Variants in SERINC5 observed in about 807,000 individuals in gnomAD.
SERINC5 encodes serine incorporator 5, also known as chromosome 5 open reading frame 12.
A neutral mutation model predicts 63.1 loss-of-function variants in SERINC5; 41 were observed. The observed-to-expected ratio is 0.65, with a 90% CI of 0.51 to 0.84. The LOEUF is 0.84. Among genes scored for constraint, SERINC5 ranks in the 40% least tolerant of loss-of-function variants. SERINC5 has a pLI of 0.00. For synonymous variants in SERINC5, 222 were observed against 215.2 expected (o/e 1.03, Z -0.28); for missense variants, 523 against 573.0 (o/e 0.91, Z 0.89).
intron 6 of SERINC5, among the ~76,000 whole-genome samples, chr5:80,168,544 G>T (rs1228224835): frequency 6.6e-6 from 1 of 151,986 alleles, no homozygotes; most frequent in Admixed American, 6.6e-5. Context: ...TGATTCAAGG[G>T]GGCTGTACAT....
intron 1 of SERINC5, among the ~76,000 whole-genome samples, chr5:80,214,586 C>G (rs757045063): frequency 2.0e-5 from 3 of 151,852 alleles, no homozygotes; most frequent in Non-Finnish European, 4.4e-5. Context: ...AAAAAAACAC[C>G]TCCTGTACTA....
At chr5:80,146,395 C>G (rs1580060034) in intron 10 of SERINC5, among the ~76,000 whole-genome samples, 161 bp from the exon 11 acceptor site, 2 of 152,348 alleles carry the variant, frequency 1.3e-5, no homozygotes, top group African/African-American at 4.8e-5. Flanking sequence ...GCACAAAACC[C>G]CCACTCCACC....
intron 1 of SERINC5, among the ~76,000 whole-genome samples, chr5:80,251,654 C>T (rs1047847418): frequency 3.3e-4 from 49 of 150,536 alleles, no homozygotes; most frequent in African/African-American, 1.1e-3. Flanking sequence ...CGCTTGGACC[C>T]GGGAGGCGGA....
rs1054069062 is a variant in SERINC5, at chr5:80,174,973, G to A, written c.532C>T (p.His178Tyr). The change falls in exon 5 of 12, where the codon CAT (histidine) becomes TAT (tyrosine). Residue 178 changes from histidine to tyrosine, a missense_variant. Coordinates refer to ENST00000507668, the MANE Select transcript of SERINC5 (RefSeq NM_001174072.3). ...ACACACCAGTTCTTGTTCCACTTATGTGCAAACTCCACGAGCAGGAGGAGC... is the reference window on the plus strand; with the variant it reads ...ACACACCAGTTCTTGTTCCACTTATATGCAAACTCCACGAGCAGGAGGAGC... ...IQLLLLVEFA[H>Y]KWNKNWTAGT... The A allele has an allele frequency of 1.1e-5, 18 of 1,600,770 alleles. No individual in the cohort carries two copies. The highest frequency in any genetic ancestry group is 1.4e-5 in the Non-Finnish European group (17 of 1,173,440).
chr5:80,149,595 G>A (rs984674228), intron 9 of SERINC5, among the ~76,000 whole-genome samples: 2 of 152,216 alleles, frequency 1.3e-5, no homozygotes, highest in African/African-American at 2.4e-5. Flanking sequence ...CTCAGCTCCT[G>A]GGCAGCAGTG....
chr5:80,242,437 G>A (rs1580214026), intron 1 of SERINC5, among the ~76,000 whole-genome samples: 1 of 152,144 alleles, frequency 6.6e-6, no homozygotes, highest in Non-Finnish European at 1.5e-5. Context: ...GGTCAACATG[G>A]CGAAATCCCA....
At chr5:80,195,351 A>G (rs944277494) in intron 2 of SERINC5, among the ~76,000 whole-genome samples, 2 of 152,176 alleles carry the variant, frequency 1.3e-5, no homozygotes, top group Non-Finnish European at 2.9e-5. Context: ...TCAATGTAAC[A>G]AAATTACACT....
intron 8 of SERINC5, among the ~76,000 whole-genome samples, chr5:80,151,437 A>C (rs1189801462): frequency 6.6e-6 from 1 of 152,246 alleles, no homozygotes; most frequent in African/African-American, 2.4e-5. Context: ...CAGTCGAGGT[A>C]ATAAAAAATT....
In SERINC5 at chr5:80,141,542, G is replaced by T. The variant is rs1005582301; in HGVS notation, c.*2121C>A. The T allele has an allele frequency of 4.1e-6, 4 of 985,362 alleles. No individual in the cohort carries two copies. The African/African-American group carries it at 7.0e-5, about 17-fold the overall frequency. The allele number at this position is 985,362 out of a possible 1,614,324, so 61.0% of individuals were successfully genotyped here. A position where few individuals can be genotyped will look rare whatever the true frequency, so the allele number is the denominator to read the frequency against. On this transcript the variant is annotated 3_prime_UTR_variant, in exon 12 of 12. Coordinates refer to ENST00000507668, the MANE Select transcript of SERINC5 (RefSeq NM_001174072.3). ...GGGCTCTGCTAGACCTCAGCAGGAGGAAAACAATGAAACTAGTCACAATAC... is the reference window on the plus strand; with the variant it reads ...GGGCTCTGCTAGACCTCAGCAGGAGTAAAACAATGAAACTAGTCACAATAC...
chr5:80,253,596 T>C (rs1752521209), intron 1 of SERINC5, among the ~76,000 whole-genome samples: 1 of 152,186 alleles, frequency 6.6e-6, no homozygotes, highest in Non-Finnish European at 1.5e-5. Flanking sequence ...GGTCCTGCTC[T>C]TCTCTCTGAC....
intron 1 of SERINC5, among the ~76,000 whole-genome samples, chr5:80,214,267 C>G (rs1188617636): frequency 6.6e-6 from 1 of 152,044 alleles, no homozygotes; most frequent in Non-Finnish European, 1.5e-5. Context: ...AAAAAACAAA[C>G]TAGAAGGATA....
At chr5:80,171,456 A>G (rs1276680739) in intron 5 of SERINC5, among the ~76,000 whole-genome samples, 1 of 152,196 alleles carries the variant, frequency 6.6e-6, no homozygotes. Context: ...CCCTGTACTG[A>G]AGAGAAGGAC....
In SERINC5 at chr5:80,141,514, C is replaced by T. The variant is rs1013330181; in HGVS notation, c.*2149G>A. 1.4e-5 allele frequency: 14 copies of T among 985,460 alleles called. No homozygotes were observed. The highest frequency in any genetic ancestry group is 1.7e-5 in the Non-Finnish European group (14 of 830,034). 61.0% of individuals were successfully genotyped at this position (985,460 alleles called of 1,614,324 possible). ...GCCAGACCCAGCCGAGAGGACAAAG[C>T]AAGGGCTCTGCTAGACCTCAGCAGG... On this transcript the variant is annotated 3_prime_UTR_variant, in exon 12 of 12. Coordinates refer to ENST00000507668, the MANE Select transcript of SERINC5 (RefSeq NM_001174072.3).
At chr5:80,223,372 A>G (rs1054192403) in intron 1 of SERINC5, among the ~76,000 whole-genome samples, 3 of 152,202 alleles carry the variant, frequency 2.0e-5, no homozygotes, top group African/African-American at 7.2e-5. Context: ...ACCTGATACA[A>G]TGTAAATGCC....
Position 80,245,772 on chromosome 5 carries a change from G to A in SERINC5, c.27+10124C>T, listed in dbSNP as rs1752140711. Among the ~76,000 whole-genome samples, 3 of 151,648 alleles carry A rather than the reference G, an allele frequency of 2.0e-5. No homozygotes were observed. The South Asian group carries it at 6.2e-4, about 32-fold the overall frequency. Reference sequence around the variant, plus strand: ...TGGGATTACAGGCATGTGCTATCATGCCTGGCTAATTTTTGTATTTTTAGT... The same window carrying A: ...TGGGATTACAGGCATGTGCTATCATACCTGGCTAATTTTTGTATTTTTAGT... On this transcript the variant is annotated intron_variant, in intron 1 of 11. Coordinates refer to ENST00000507668, the MANE Select transcript of SERINC5 (RefSeq NM_001174072.3).
At chr5:80,201,866 C>T (rs1188960180) in intron 2 of SERINC5, among the ~76,000 whole-genome samples, 1 of 152,232 alleles carries the variant, frequency 6.6e-6, no homozygotes, top group Non-Finnish European at 1.5e-5. Context: ...ATAGCCCATT[C>T]TCCATTATTT....
intron 9 of SERINC5, among the ~76,000 whole-genome samples, chr5:80,149,997 T>C (rs1561369801): frequency 6.6e-6 from 1 of 152,188 alleles, no homozygotes; most frequent in Non-Finnish European, 1.5e-5. Context: ...CCTTGAGGCT[T>C]TGGATGTGCA....
chr5:80,166,965 T>A (rs1423316772), intron 6 of SERINC5: 1 of 153,946 alleles, frequency 6.5e-6, no homozygotes, highest in African/African-American at 2.4e-5. Flanking sequence ...TACCTGCCAA[T>A]GATCAAAAAG....
At chr5:80,167,297 T>C (rs1747365205) in intron 6 of SERINC5, 2 of 152,146 alleles carry the variant, frequency 1.3e-5, no homozygotes, top group African/African-American at 4.8e-5. Context: ...CATGTTCTCA[T>C]CATTTAGCTC....
Sources: gnomAD v4.1 joint callset for allele counts (sites outside exome capture counted in the v4.1 genomes callset) on GRCh38, gnomAD v4.1.1 for gene constraint, MANE v1.5 for transcripts, NCBI Gene and HGNC (gene_info 2026-07-23, HGNC 2026-07-21) for gene names.